Variants in NALCN observed in about 807,000 individuals in gnomAD.
NALCN encodes sodium leak channel NALCN.
A neutral mutation model predicts 225.3 loss-of-function variants in NALCN; 111 were observed. The ratio of observed to expected loss-of-function variants is 0.49; its 90% CI spans 0.42 to 0.58. The LOEUF (loss-of-function observed/expected upper bound fraction) is 0.58. Ranked by LOEUF, NALCN falls within the 20% of genes least tolerant of loss-of-function variation. The pLI, the probability that NALCN is intolerant of heterozygous loss-of-function variation, is 0.00. For synonymous variants in NALCN, 764 were observed against 769.0 expected, an observed-to-expected ratio of 0.99 and a Z score of 0.11; for missense variants, 1,378 against 2,202.4, an observed-to-expected ratio of 0.63 and a Z score of 7.49.
chr13:101,223,150 C>T (rs1022422892), intron 13 of NALCN, among the ~76,000 whole-genome samples: 2 of 152,142 alleles, frequency 1.3e-5, no homozygotes, highest in Non-Finnish European at 2.9e-5. Flanking sequence ...TTCACAACCT[C>T]TTCCATGCTA....
At chr13:101,133,299 ATTTCTG>A (rs2036605151) in intron 17 of NALCN, among the ~76,000 whole-genome samples, 1 of 152,134 alleles carries the variant, frequency 6.6e-6, no homozygotes, top group Admixed American at 6.5e-5. Flanking sequence ...TTAACAATAC[ATTTCTG>A]TTTCTAACTG....
chr13:101,112,168 T>G (rs1249760187), intron 18 of NALCN, among the ~76,000 whole-genome samples: 2 of 151,732 alleles, frequency 1.3e-5, no homozygotes, highest in East Asian at 3.9e-4. Context: ...ATGGTAAATG[T>G]TATGTGTTGT....
At chr13:101,154,563 T>C (rs2037811390) in intron 15 of NALCN, among the ~76,000 whole-genome samples, 1 of 152,200 alleles carries the variant, frequency 6.6e-6, no homozygotes, top group Non-Finnish European at 1.5e-5. Context: ...TATAACTTTC[T>C]AATTACGTGT....
intron 11 of NALCN, among the ~76,000 whole-genome samples, chr13:101,239,215 T>C (rs1324210985): frequency 1.3e-5 from 2 of 151,974 alleles, no homozygotes; most frequent in Non-Finnish European, 2.9e-5. Flanking sequence ...TTACATGAGA[T>C]GTAAAAACAA....
At chr13:101,091,546 G>A (rs1427624966) in intron 28 of NALCN, among the ~76,000 whole-genome samples, 1 of 148,470 alleles carries the variant, frequency 6.7e-6, no homozygotes, top group Non-Finnish European at 1.5e-5. Context: ...ACTCAGAAAT[G>A]CATATTTTGG....
intron 14 of NALCN, among the ~76,000 whole-genome samples, chr13:101,180,204 CTTTTTT>C (rs71200724): frequency 8.2e-5 from 9 of 109,948 alleles, no homozygotes; most frequent in African/African-American, 2.3e-4. Flanking sequence ...TCCACCTGGT[CTTTTTT>C]TTTTTTTTTT....
chr13:101,112,076 G>C (rs1374957660), intron 18 of NALCN, among the ~76,000 whole-genome samples: 1 of 151,874 alleles, frequency 6.6e-6, no homozygotes, highest in African/African-American at 2.4e-5. Flanking sequence ...GAGTCATAAA[G>C]AGAAGTAACT....
At chr13:101,378,480 T>C (rs894051235) in intron 4 of NALCN, 90 bp downstream of exon 4, 4 of 893,172 alleles carry the variant, frequency 4.5e-6, no homozygotes, top group Admixed American at 5.4e-5. Flanking sequence ...ATTTGATATA[T>C]ATTTTGTAAT....
intron 35 of NALCN, among the ~76,000 whole-genome samples, chr13:101,075,453 CAAAAAAA>C (rs72275676): frequency 5.8e-5 from 6 of 103,672 alleles, no homozygotes; most frequent in Non-Finnish European, 9.6e-5. Context: ...GACTCCATCT[CAAAAAAA>C]AAAAAAAAAA....
At chr13:101,192,295 G>A (rs552165124) in intron 13 of NALCN, among the ~76,000 whole-genome samples, 3 of 152,224 alleles carry the variant, frequency 2.0e-5, no homozygotes, top group African/African-American at 7.2e-5. Flanking sequence ...AGTTTTGTTC[G>A]CAGTAAATGC....
chr13:101,111,048 G>T, intron 19 of NALCN, 77 bp downstream of exon 19: 1 of 1,434,660 alleles, frequency 7.0e-7, no homozygotes. Flanking sequence ...TGACAGCCGT[G>T]ACTGTGTACA....
At chr13:101,326,857 A>C (rs1230361450) in intron 7 of NALCN, among the ~76,000 whole-genome samples, 1 of 152,144 alleles carries the variant, frequency 6.6e-6, no homozygotes, top group East Asian at 1.9e-4. Flanking sequence ...TTCAGAAGTC[A>C]AGCAGCTGGG....
At chr13:101,078,173 T>C (rs966866161) in intron 34 of NALCN, among the ~76,000 whole-genome samples, 2 of 152,126 alleles carry the variant, frequency 1.3e-5, no homozygotes, top group South Asian at 4.1e-4. Context: ...AGAGCCCTCA[T>C]GGAGAACCTC....
intron 12 of NALCN, among the ~76,000 whole-genome samples, chr13:101,233,565 C>A (rs1459119655): frequency 6.6e-6 from 1 of 152,074 alleles, no homozygotes; most frequent in African/African-American, 2.4e-5. Flanking sequence ...TAGTCTTGAT[C>A]TCCTGACCTC....
intron 36 of NALCN, among the ~76,000 whole-genome samples, chr13:101,074,116 G>A (rs1261701509): frequency 6.6e-6 from 1 of 151,988 alleles, no homozygotes; most frequent in Non-Finnish European, 1.5e-5. Flanking sequence ...AACCATTTGG[G>A]GGGCTCTAAA....
chr13:101,247,056 T>C (rs2041918047), intron 11 of NALCN, among the ~76,000 whole-genome samples: 1 of 152,100 alleles, frequency 6.6e-6, no homozygotes, highest in Admixed American at 6.6e-5. Context: ...CAGAAACATA[T>C]GCTAGGTCAA....
At chr13:101,376,586 A>T (rs1233792385) in intron 6 of NALCN, 114 bp downstream of exon 6, 1 of 985,866 alleles carries the variant, frequency 1.0e-6, no homozygotes, top group Non-Finnish European at 1.4e-6. Context: ...GACACAGAAC[A>T]AAGAGGACAT....
At chr13:101,270,544 T>C (rs2042743044) in intron 10 of NALCN, among the ~76,000 whole-genome samples, 1 of 152,212 alleles carries the variant, frequency 6.6e-6, no homozygotes, top group African/African-American at 2.4e-5. Flanking sequence ...ATTTAATAAA[T>C]GCATACATAA....
intron 12 of NALCN, among the ~76,000 whole-genome samples, chr13:101,234,449 G>C (rs1239863574): frequency 6.6e-6 from 1 of 152,210 alleles, no homozygotes; most frequent in African/African-American, 2.4e-5. Context: ...TCTAAGGAAA[G>C]ACTTGTTGCC....
Sources: allele counts gnomAD v4.1 joint callset (sites outside exome capture counted in the v4.1 genomes callset), GRCh38; gene constraint gnomAD v4.1.1; transcripts MANE v1.5; gene names NCBI Gene and HGNC (gene_info 2026-07-23, HGNC 2026-07-21).